The following TVP23A variants were observed in gnomAD, a reference collection of about 807,000 sequenced individuals.
TVP23A encodes the protein trans-golgi network vesicle protein 23 homolog A, also known as Golgi apparatus membrane protein TVP23 homolog A.
TVP23A carries 21 observed loss-of-function variants against 31.7 expected under a neutral mutation model. The ratio of observed to expected loss-of-function variants is 0.66; its 90% CI spans 0.47 to 0.95. TVP23A has a LOEUF of 0.95. Among genes scored for constraint, TVP23A ranks in the 40% least tolerant of loss-of-function variants. The pLI is 0.00. For synonymous variants in TVP23A, 104 were observed against 96.0 expected (o/e 1.08, Z -0.49); for missense variants, 279 against 255.6 (o/e 1.09, Z -0.62).
intron 2 of TVP23A, among the ~76,000 whole-genome samples, chr16:10,811,679 C>T (rs1017934918): frequency 5.9e-5 from 9 of 151,914 alleles, no homozygotes; most frequent in Middle Eastern, 3.4e-3. Flanking sequence ...CCGAGGCGGG[C>T]GGATCACGAG....
downstream of TVP23A, chr16:10,763,452 C>G (rs1007206733): frequency 2.0e-5 from 3 of 152,286 alleles, no homozygotes; most frequent in African/African-American, 7.2e-5. Flanking sequence ...TCCTTTTTCC[C>G]TTATTCCCAC....
At chr16:10,817,962 T>A (rs192365811) in intron 2 of TVP23A, 141 bp downstream of exon 2, 5 of 721,394 alleles carry the variant, frequency 6.9e-6, no homozygotes, top group Admixed American at 2.2e-5. Context: ...GCAGGGACTT[T>A]GTCTGATGTG....
intron 6 of TVP23A, among the ~76,000 whole-genome samples, chr16:10,770,702 G>A (rs9932445): frequency 0.29 from 44,120 of 150,804 alleles, 7,460 homozygotes; most frequent in African/African-American, 0.47. Context: ...GAGAGACCCC[G>A]TCTACTATAA....
In TVP23A at chr16:10,766,929, G is replaced by T; in HGVS notation, c.*2173C>A. 1 of 398,584 alleles carries T rather than the reference G, an allele frequency of 2.5e-6. No individual in the cohort carries two copies. Among genetic ancestry groups the T allele is most frequent in the South Asian group, 1.3e-4 (1 of 7,824 alleles). The allele number at this position is 398,584 out of a possible 1,614,324, so 24.7% of individuals were successfully genotyped here. A position where few individuals can be genotyped will look rare whatever the true frequency, so the allele number is the denominator to read the frequency against. Reference sequence around the variant, plus strand: ...ATTGGCCTTATGTTCCCTGCCTCTGGACCCTATTTTCCTGACTCACTGGGC... The same window carrying T: ...ATTGGCCTTATGTTCCCTGCCTCTGTACCCTATTTTCCTGACTCACTGGGC... On this transcript the variant is annotated 3_prime_UTR_variant, in exon 8 of 8. Transcript: ENST00000299866. This position sits in a 1 kb window ranked among gnomAD's most constrained non-coding sequence, Gnocchi z 4.8.
At chr16:10,761,307 A>C in exon 9 of TVP23A, 2 of 1,524,184 alleles carry the variant, frequency 1.3e-6, no homozygotes, top group Non-Finnish European at 1.8e-6. Context: ...TCGGTTGCAC[A>C]GACATTCCCT....
downstream of TVP23A, chr16:10,762,066 C>G: frequency 2.0e-6 from 1 of 507,312 alleles, no homozygotes; most frequent in Non-Finnish European, 3.6e-6. Context: ...CGGGAGCAAG[C>G]AGGCCTCAGG....
chr16:10,791,281 G>T (rs988268124), intron 2 of TVP23A, among the ~76,000 whole-genome samples: 1 of 152,178 alleles, frequency 6.6e-6, no homozygotes, highest in Non-Finnish European at 1.5e-5. Flanking sequence ...AATAAGTAGG[G>T]TGTTGCTATT....
intron 2 of TVP23A, among the ~76,000 whole-genome samples, chr16:10,789,543 T>C (rs2032972435): frequency 1.3e-5 from 2 of 151,592 alleles, no homozygotes; most frequent in Admixed American, 6.6e-5. Context: ...AAGATATACA[T>C]TGGGGCTGGG....
intron 2 of TVP23A, among the ~76,000 whole-genome samples, chr16:10,805,829 A>G (rs2033917129): frequency 6.6e-6 from 1 of 151,978 alleles, no homozygotes; most frequent in Non-Finnish European, 1.5e-5. Flanking sequence ...AAGGTCCTTG[A>G]AAATGTTTGT....
chr16:10,774,957 C>T lies in TVP23A; in HGVS notation c.229G>A (p.Val77Met). ...LLLLSLDFWS[V>M]KNVTGRLLVG... ...ATCACACGAAAGGGCCTCACCTTCA[C>T]AGACCAGAAGTCCAGGGACAGGAGG... Residue 77 changes from valine (V) to methionine (M), a missense_variant, in exon 3 of 8, where the codon GTG becomes ATG. Transcript: ENST00000299866. 6.2e-7 allele frequency: 1 copy of T among 1,612,786 alleles called. No individual in the cohort carries two copies. Among genetic ancestry groups the T allele is most frequent in the Non-Finnish European group, 8.5e-7 (1 of 1,179,286 alleles).
At chr16:10,798,277 A>G (rs1280878421) in intron 2 of TVP23A, among the ~76,000 whole-genome samples, 1 of 151,732 alleles carries the variant, frequency 6.6e-6, no homozygotes, top group Non-Finnish European at 1.5e-5. Context: ...TTTTTTAAGT[A>G]ATCAGGGAAG....
chr16:10,785,001 G>A (rs2032659588), intron 2 of TVP23A, among the ~76,000 whole-genome samples: 1 of 151,872 alleles, frequency 6.6e-6, no homozygotes. Context: ...GGAAACTGAG[G>A]CAGGAGAATC....
At chr16:10,798,341 C>A (rs1410171581) in intron 2 of TVP23A, among the ~76,000 whole-genome samples, 1 of 152,066 alleles carries the variant, frequency 6.6e-6, no homozygotes, top group East Asian at 1.9e-4. Flanking sequence ...TGACCTTGAG[C>A]AAGTAAGTCA....
At chr16:10,759,771 G>C (rs1391508033), downstream of TVP23A, among the ~76,000 whole-genome samples, 1 of 152,144 alleles carries the variant, frequency 6.6e-6, no homozygotes. The surrounding 1 kb of genome is among the most constrained non-coding windows in gnomAD (Gnocchi z 4.7). Flanking sequence ...GCAAGACTCT[G>C]TCTCAAAAAA....
downstream of TVP23A, chr16:10,758,069 C>T (rs1173002322): frequency 6.3e-7 from 1 of 1,595,354 alleles, no homozygotes; most frequent in Non-Finnish European, 8.6e-7. Flanking sequence ...AACTGTGCTC[C>T]ACACTGTGAG....
chr16:10,785,455 CTCTG>C (rs1434569114), intron 2 of TVP23A, among the ~76,000 whole-genome samples: 4 of 152,266 alleles, frequency 2.6e-5, no homozygotes, highest in South Asian at 2.1e-4. Flanking sequence ...AGGTATGAAG[CTCTG>C]TCTAAGAGTA....
intron 2 of TVP23A, among the ~76,000 whole-genome samples, chr16:10,808,920 C>A (rs1218108828): frequency 6.6e-6 from 1 of 152,172 alleles, no homozygotes; most frequent in Non-Finnish European, 1.5e-5. Context: ...TTCATGGAAG[C>A]CCATGACCTT....
chr16:10,810,696 C>A (rs1383372437), intron 2 of TVP23A, among the ~76,000 whole-genome samples: 1 of 152,118 alleles, frequency 6.6e-6, no homozygotes, highest in Non-Finnish European at 1.5e-5. Context: ...CTAGGATAGC[C>A]GTCCTCATCT....
chr16:10,786,435 C>CA (rs369759815), intron 2 of TVP23A, among the ~76,000 whole-genome samples: 6,754 of 144,520 alleles, frequency 0.047, 500 homozygotes, highest in African/African-American at 0.16. Context: ...GAGAACTTGT[C>CA]AAAAAAAAAA....
Sources: gnomAD v4.1 joint callset for allele counts (sites outside exome capture counted in the v4.1 genomes callset) on GRCh38, gnomAD v4.1.1 for gene constraint, Gnocchi (gnomAD v3.1) non-coding constraint, MANE v1.5 for transcripts, NCBI Gene and HGNC (gene_info 2026-07-23, HGNC 2026-07-21) for gene names.